RBFOX1: variants seen among roughly 807,000 people sequenced by gnomAD.
RBFOX1 encodes the protein RNA binding fox-1 homolog 1, also known as RNA binding protein fox-1 homolog 1.
RBFOX1 carries 8 observed loss-of-function variants against 57.7 expected under a neutral mutation model. That is an observed-to-expected ratio of 0.14 (90% CI 0.08 to 0.25). RBFOX1 has a LOEUF of 0.25. RBFOX1 is among the 10% of genes least tolerant of loss of function. RBFOX1 has a pLI of 1.00. For synonymous variants in RBFOX1, 326 were observed against 222.4 expected (o/e 1.47, Z -4.15); for missense variants, 611 against 548.5 (o/e 1.11, Z -1.14).
chr16:5,968,869 A>T (rs185745403), intron 4 of RBFOX1, among the ~76,000 whole-genome samples: 2 of 151,814 alleles, frequency 1.3e-5, no homozygotes, highest in Non-Finnish European at 2.9e-5. Context: ...TGTGCTACGT[A>T]CTCTTGAATC....
chr16:7,202,389 A>G (rs2088795430), intron 4 of RBFOX1, among the ~76,000 whole-genome samples: 1 of 152,286 alleles, frequency 6.6e-6, no homozygotes, highest in East Asian at 1.9e-4. Flanking sequence ...GGAAGGTAAA[A>G]TAGTACAGGT....
intron 2 of RBFOX1, among the ~76,000 whole-genome samples, chr16:6,339,613 G>T (rs2534756): frequency 0.19 from 29,310 of 151,954 alleles, 3,261 homozygotes; most frequent in African/African-American, 0.3. Flanking sequence ...TCACTGGAAT[G>T]TTGGATTTGA....
chr16:6,863,147 G>C (rs2059308867), intron 3 of RBFOX1, among the ~76,000 whole-genome samples: 1 of 151,984 alleles, frequency 6.6e-6, no homozygotes, highest in Admixed American at 6.6e-5. Context: ...AATAAGCAGG[G>C]GATCAAAAGT....
intron 5 of RBFOX1, among the ~76,000 whole-genome samples, chr16:7,554,847 A>G (rs2087815214): frequency 6.6e-6 from 1 of 152,206 alleles, no homozygotes; most frequent in Non-Finnish European, 1.5e-5. Flanking sequence ...AGTTCAGACA[A>G]TTAAGAAAAT....
At chr16:6,268,896 G>C (rs2074872130) in intron 1 of RBFOX1, among the ~76,000 whole-genome samples, 2 of 152,172 alleles carry the variant, frequency 1.3e-5, no homozygotes, top group South Asian at 4.1e-4. Flanking sequence ...ACTGGTTCCA[G>C]GACAGTCCAA....
At chr16:7,152,482 A>G (rs1428351207) in intron 4 of RBFOX1, among the ~76,000 whole-genome samples, 1 of 152,226 alleles carries the variant, frequency 6.6e-6, no homozygotes, top group Non-Finnish European at 1.5e-5. Flanking sequence ...ATTTTATTTC[A>G]ACTAGGATCT....
chr16:5,471,788 A>G (rs1383665138), intron 2 of RBFOX1, among the ~76,000 whole-genome samples: 2 of 152,192 alleles, frequency 1.3e-5, no homozygotes, highest in Non-Finnish European at 2.9e-5. Flanking sequence ...GCAGCGGTAT[A>G]TTTCTAGAGT....
At chr16:6,605,373 C>T (rs1014311780) in intron 2 of RBFOX1, among the ~76,000 whole-genome samples, 6 of 152,148 alleles carry the variant, frequency 3.9e-5, no homozygotes, top group African/African-American at 7.2e-5. Flanking sequence ...TGCTGTCCAT[C>T]TAGTTTGGAG....
At chr16:6,513,062 AC>A (rs1193894191) in intron 2 of RBFOX1, among the ~76,000 whole-genome samples, 1 of 152,210 alleles carries the variant, frequency 6.6e-6, no homozygotes, top group East Asian at 1.9e-4. Context: ...TCAATATGGC[AC>A]AGTATTGAAG....
intron 3 of RBFOX1, among the ~76,000 whole-genome samples, chr16:7,031,599 T>TA (rs139080406): frequency 0.15 from 21,074 of 144,898 alleles, 2,781 homozygotes; most frequent in African/African-American, 0.34. Flanking sequence ...AGACCCTGCC[T>TA]AAAAAAAAAA....
intron 3 of RBFOX1, among the ~76,000 whole-genome samples, chr16:6,927,498 T>C (rs1386425003): frequency 4.6e-5 from 7 of 151,816 alleles, no homozygotes; most frequent in African/African-American, 1.7e-4. Flanking sequence ...CCTCTCTTTC[T>C]TTCCACATGG....
chr16:6,105,173 A>G (rs1358186521), intron 1 of RBFOX1, among the ~76,000 whole-genome samples: 1 of 152,226 alleles, frequency 6.6e-6, no homozygotes, highest in Non-Finnish European at 1.5e-5. Context: ...GATTTCTCAA[A>G]GCCCATGTGG....
At chr16:6,659,279 G>A (rs1274076832) in intron 3 of RBFOX1, among the ~76,000 whole-genome samples, 3 of 151,772 alleles carry the variant, frequency 2.0e-5, no homozygotes, top group South Asian at 4.2e-4. Context: ...CTCACTTATC[G>A]CCTGGCCTGG....
rs1224145003 is a variant in RBFOX1 at position 7,711,418 on chromosome 16, A to C, written c.*673A>C. 2 of 152,562 alleles carry C rather than the reference A, an allele frequency of 1.3e-5. No homozygotes were observed. The highest frequency in any genetic ancestry group is 2.9e-5 in the Non-Finnish European group (2 of 68,020). The allele number at this position is 152,562 out of a possible 1,614,324, so 9.5% of individuals were successfully genotyped here. On this transcript the variant is annotated 3_prime_UTR_variant, in exon 16 of 16. Transcript: ENST00000550418. Reference sequence around the variant, plus strand: ...CACCCTTTAAACCATTCCACCCGGCAGTATTCAGCTTCTTAACCAGTCGCT... The same window carrying C: ...CACCCTTTAAACCATTCCACCCGGCCGTATTCAGCTTCTTAACCAGTCGCT...
At chr16:5,427,618 ACAAAACAAAT>A (rs1236527767) in intron 1 of RBFOX1, among the ~76,000 whole-genome samples, 1 of 138,162 alleles carries the variant, frequency 7.2e-6, no homozygotes, top group Admixed American at 7.3e-5. Context: ...ACAAAACAAA[ACAAAACAAAT>A]CACCCTGCAA....
chr16:6,429,631 G>C (rs532449825), intron 2 of RBFOX1, among the ~76,000 whole-genome samples: 1 of 152,296 alleles, frequency 6.6e-6, no homozygotes, highest in African/African-American at 2.4e-5. Flanking sequence ...GGGCCAGGTG[G>C]AGATAATTGA....
Position 6,114,619 on chromosome 16 carries a change from T to A in RBFOX1, c.-127+94627T>A, listed in dbSNP as rs539645812. On this transcript the variant is annotated intron_variant, in intron 1 of 15. Coordinates refer to ENST00000550418, the MANE Select transcript of RBFOX1 (RefSeq NM_018723.4). ...AACACTGCCTTTAGTTCAGTCTTTC[T>A]GATACTGTTTTTATGAGACAAACAA... is the stretch of plus-strand genomic sequence containing the variant. 4.0e-4 allele frequency among the ~76,000 whole-genome samples: 61 copies of A among 152,346 alleles called. No homozygotes were observed. The South Asian group carries it at 0.012, about 31-fold the overall frequency.
At chr16:6,149,042 G>C (rs2096779229) in intron 1 of RBFOX1, among the ~76,000 whole-genome samples, 1 of 152,192 alleles carries the variant, frequency 6.6e-6, no homozygotes, top group Non-Finnish European at 1.5e-5. Context: ...CATTGAAATG[G>C]AGCCTTGGAA....
intron 3 of RBFOX1, among the ~76,000 whole-genome samples, chr16:6,905,085 C>T (rs1483010992): frequency 6.6e-6 from 1 of 152,076 alleles, no homozygotes; most frequent in Non-Finnish European, 1.5e-5. Context: ...ACTTTCTTCC[C>T]TGGGAGTCAG....
Sources: gnomAD v4.1 joint callset for allele counts (sites outside exome capture counted in the v4.1 genomes callset) on GRCh38, gnomAD v4.1.1 for gene constraint, MANE v1.5 for transcripts, NCBI Gene and HGNC (gene_info 2026-07-23, HGNC 2026-07-21) for gene names.